TRIM41: variants seen among roughly 807,000 people sequenced by gnomAD.
TRIM41 encodes the protein tripartite motif containing 41.
Under a neutral mutation model 60.6 loss-of-function variants are expected in TRIM41, and 21 were observed. The observed-to-expected ratio is 0.35, with a 90% confidence interval of 0.25 to 0.50. The LOEUF is 0.50. Ranked by LOEUF, TRIM41 falls within the 20% of genes least tolerant of loss-of-function variation. The probability of loss-of-function intolerance (pLI) is 0.98; values close to 1 mark genes in which losing one functional copy is unlikely to be tolerated. For missense variants in TRIM41, 846 were observed against 868.3 expected (o/e 0.97, Z 0.32); for synonymous variants, 407 against 344.9 (o/e 1.18, Z -2.00).
chr5:181,235,386 T>C lies in TRIM41; in HGVS notation c.*611T>C. On this transcript the variant is annotated 3_prime_UTR_variant, in exon 6 of 6. Transcript: ENST00000315073. ...AGAATTTAGCTTCACTTGAGAGAGA[T>C]CTGGAATGGTCGCCATGATTGAAAC... The C allele has an allele frequency of 6.2e-7, 1 of 1,614,210 alleles. No individual in the cohort carries two copies. Among genetic ancestry groups the C allele is most frequent in the South Asian group, 1.1e-5 (1 of 91,086 alleles).
rs1758890910 is a variant in TRIM41 at position 181,233,309 on chromosome 5, C to T, written c.1141-104C>T. On this transcript the variant is annotated intron_variant, in intron 3 of 5. Coordinates refer to ENST00000315073, the MANE Select transcript of TRIM41 (RefSeq NM_033549.5). The surrounding 1 kb of genome is among the most constrained non-coding windows in gnomAD (Gnocchi z 4.1). ...AGGGTGCTGCTTCTCCCTTCCTGCT[C>T]AGGTTCAGTCTCTGACTGGAGATCG... 1 of 1,208,324 alleles carries T rather than the reference C, an allele frequency of 8.3e-7. No individual in the cohort carries two copies. Among genetic ancestry groups the T allele is most frequent in the Non-Finnish European group, 1.2e-6 (1 of 818,588 alleles). The allele number at this position is 1,208,324 out of a possible 1,614,324, so 74.9% of individuals were successfully genotyped here. A position where few individuals can be genotyped will look rare whatever the true frequency, so the allele number is the denominator to read the frequency against.
In TRIM41 at chr5:181,223,661, AGGCCGG is replaced by A; in HGVS notation, c.-338_-333del. 2 of 479,566 alleles carry A rather than the reference AGGCCGG, an allele frequency of 4.2e-6. No individual in the cohort carries two copies. The highest frequency in any genetic ancestry group is 4.5e-5 in the South Asian group (1 of 22,162). 29.7% of individuals were successfully genotyped at this position (479,566 alleles called of 1,614,324 possible). A position where few individuals can be genotyped will look rare whatever the true frequency, so the allele number is the denominator to read the frequency against. On this transcript the variant is annotated 5_prime_UTR_variant, in exon 1 of 6. Coordinates refer to ENST00000315073, the MANE Select transcript of TRIM41 (RefSeq NM_033549.5). The stretch of plus-strand genomic sequence containing the variant: ...GTAGACGCCGGAAGTGTTGGGAAGG[AGGCCGG>A]AAGCTAGGGGCGGGGCCAGGAAGTG...
Position 181,235,048 on chromosome 5 carries a change from C to G in TRIM41, c.*273C>G. 6.2e-7 allele frequency: 1 copy of G among 1,613,550 alleles called. No individual in the cohort carries two copies. Among genetic ancestry groups the G allele is most frequent in the Non-Finnish European group, 8.5e-7 (1 of 1,179,944 alleles). On this transcript the variant is annotated 3_prime_UTR_variant, in exon 6 of 6. Transcript: ENST00000315073. Reference sequence around the variant, plus strand: ...CAGCTGCCTGGTCTTCTCTCCCAGTCTGCCTAGCCCAGCCCTGGGACTGGA... The same window carrying G: ...CAGCTGCCTGGTCTTCTCTCCCAGTGTGCCTAGCCCAGCCCTGGGACTGGA...
In TRIM41 at chr5:181,223,783, C is replaced by G; in HGVS notation, c.-217C>G. The G allele has an allele frequency of 1.6e-6, 1 of 613,688 alleles. No individual in the cohort carries two copies. The highest frequency in any genetic ancestry group is 1.8e-5 in the African/African-American group (1 of 54,124). 38.0% of individuals were successfully genotyped at this position (613,688 alleles called of 1,614,324 possible). On this transcript the variant is annotated 5_prime_UTR_variant, in exon 1 of 6. Transcript: ENST00000315073. ...TGAGGGACTTGGCGGTGGCGCCCAG[C>G]ACTGTCCCCTCCCCTCGTAGAGACA...
intron 2 of TRIM41, chr5:181,232,325 A>G (rs1478901754): frequency 6.6e-6 from 2 of 303,080 alleles, no homozygotes; most frequent in Admixed American, 5.0e-5. Context: ...AGATACAGTG[A>G]TATTTGTGGG....
chr5:181,224,947 G>A (rs950539348), intron 1 of TRIM41, 135 bp downstream of exon 1: 15 of 1,098,652 alleles, frequency 1.4e-5, no homozygotes, highest in Non-Finnish European at 2.0e-5. Flanking sequence ...GCTTATCTAA[G>A]CACTTACTGC....
rs1037538190 is a variant in TRIM41 at position 181,224,329 on chromosome 5, T to G, written c.330T>G (p.Ser110Arg). ...EEEEEGVFWTSGMSRSSWDNM... is the reference protein window; with the variant it reads ...EEEEEGVFWTRGMSRSSWDNM... Reference sequence around the variant, plus strand: ...AAGAAGAGGGTGTGTTCTGGACCAGTGGCATGAGCAGGTCCAGCTGGGACA... The same window carrying G: ...AAGAAGAGGGTGTGTTCTGGACCAGGGGCATGAGCAGGTCCAGCTGGGACA... Residue 110 changes from serine to arginine, a missense_variant, in exon 1 of 6, where the codon AGT becomes AGG. Ser to Arg is a moderately radical substitution (Grantham distance 110, BLOSUM62 -1). Coordinates refer to ENST00000315073, the MANE Select transcript of TRIM41 (RefSeq NM_033549.5). 3.7e-6 allele frequency: 6 copies of G among 1,612,744 alleles called. No homozygotes were observed. The highest frequency in any genetic ancestry group is 5.1e-6 in the Non-Finnish European group (6 of 1,179,794).
chr5:181,224,488 G>T lies in TRIM41; in HGVS notation c.489G>T (p.Glu163Asp), dbSNP rs573417637. 3 of 1,613,512 alleles carry T rather than the reference G, an allele frequency of 1.9e-6. No individual in the cohort carries two copies. Among genetic ancestry groups the T allele is most frequent in the South Asian group, 2.2e-5 (2 of 91,020 alleles). The change falls in exon 1 of 6, where the codon GAG (glutamate) becomes GAT (aspartate). Residue 163 changes from glutamate (E) to aspartate (D), a missense_variant. Transcript: ENST00000315073. ...EEEVLEEVEE[E>D]DLDPVTPLPP... Reference sequence around the variant, plus strand: ...AAGTGCTGGAGGAGGTTGAGGAAGAGGATCTAGACCCCGTCACCCCACTGC... The same window carrying T: ...AAGTGCTGGAGGAGGTTGAGGAAGATGATCTAGACCCCGTCACCCCACTGC...
In TRIM41 at chr5:181,224,232, C is replaced by T. The variant is rs776479184; in HGVS notation, c.233C>T (p.Ala78Val). 4 of 1,612,366 alleles carry T rather than the reference C, an allele frequency of 2.5e-6. No homozygotes were observed. The highest frequency in any genetic ancestry group is 1.7e-5 in the Admixed American group (1 of 59,866). The part of the protein sequence containing the change: ...GEEEEVEAVG[A>V]GAGWDTPMRD... ...GAGGAGGAAGTGGAGGCTGTGGGGG[C>T]TGGCGCGGGGTGGGACACCCCCATG... Residue 78 changes from alanine (A) to valine (V), a missense_variant, in exon 1 of 6, where the codon GCT becomes GTT. Transcript: ENST00000315073.
chr5:181,234,093 G>C lies in TRIM41; in HGVS notation c.1292-81G>C. On this transcript the variant is annotated intron_variant, in intron 5 of 5. Transcript: ENST00000315073. This position sits in a 1 kb window ranked among gnomAD's most constrained non-coding sequence, Gnocchi z 5.6. The stretch of plus-strand genomic sequence containing the variant: ...TGGGGAGCTGGATTCAGGGAGAAAG[G>C]GGGCCCAATCTGTGGAGTTGGCTGC... The C allele has an allele frequency of 1.3e-6, 2 of 1,596,372 alleles. No individual in the cohort carries two copies. Among genetic ancestry groups the C allele is most frequent in the African/African-American group, 2.7e-5 (2 of 74,968 alleles).
At position 181,232,804 on chromosome 5, in the gene TRIM41, G is replaced by C. The variant is rs575345542; in HGVS notation, c.1055G>C (p.Arg352Pro). ...QLGRAGAAASRLAEQAAQLSR... is the reference protein window; with the variant it reads ...QLGRAGAAASPLAEQAAQLSR... ...GGGCGTGCGGGAGCCGCGGCTAGTC[G>C]CCTTGCAGAACAGGCCGCCCAGCTC... Residue 352 changes from arginine to proline, a missense_variant, in exon 3 of 6, where the codon CGC becomes CCC. Transcript: ENST00000315073. 6.3e-7 allele frequency: 1 copy of C among 1,599,976 alleles called. No individual in the cohort carries two copies.
rs939649550 is a variant in TRIM41, at chr5:181,233,238, G to A, written c.1141-175G>A. ...CAGGATGAGGCGAGTTAGGTATGGC[G>A]AGGCATGGGGTGGTTGAAATGGATG... On this transcript the variant is annotated intron_variant, in intron 3 of 5. Coordinates refer to ENST00000315073, the MANE Select transcript of TRIM41 (RefSeq NM_033549.5). This position sits in a 1 kb window ranked among gnomAD's most constrained non-coding sequence, Gnocchi z 4.1. 50 of 779,052 alleles carry A rather than the reference G, an allele frequency of 6.4e-5. No individual in the cohort carries two copies. The highest frequency in any genetic ancestry group is 1.1e-4 in the Admixed American group (6 of 54,716). The allele number at this position is 779,052 out of a possible 1,614,324, so 48.3% of individuals were successfully genotyped here.
Position 181,233,327 on chromosome 5 carries a change from G to C in TRIM41, c.1141-86G>C. 4.3e-6 allele frequency: 6 copies of C among 1,384,386 alleles called. No homozygotes were observed. The highest frequency in any genetic ancestry group is 2.3e-5 in the South Asian group (2 of 86,458). The allele number at this position is 1,384,386 out of a possible 1,614,324, so 85.8% of individuals were successfully genotyped here. ...TCCTGCTCAGGTTCAGTCTCTGACT[G>C]GAGATCGGGGAACGCTGTCCCTGTG... On this transcript the variant is annotated intron_variant, in intron 3 of 5. Coordinates refer to ENST00000315073, the MANE Select transcript of TRIM41 (RefSeq NM_033549.5). This position sits in a 1 kb window ranked among gnomAD's most constrained non-coding sequence, Gnocchi z 4.1.
chr5:181,233,299 CCTT>C lies in TRIM41; in HGVS notation c.1141-112_1141-110del, dbSNP rs1184310767. On this transcript the variant is annotated intron_variant, in intron 3 of 5. Coordinates refer to ENST00000315073, the MANE Select transcript of TRIM41 (RefSeq NM_033549.5). The surrounding 1 kb of genome is among the most constrained non-coding windows in gnomAD (Gnocchi z 4.1). ...GAGGGCCGTGAGGGTGCTGCTTCTC[CCTT>C]CCTGCTCAGGTTCAGTCTCTGACTG... is the stretch of plus-strand genomic sequence containing the variant. 1 of 1,122,332 alleles carries C rather than the reference CCTT, an allele frequency of 8.9e-7. No individual in the cohort carries two copies. The highest frequency in any genetic ancestry group is 1.3e-6 in the Non-Finnish European group (1 of 741,408). 69.5% of individuals were successfully genotyped at this position (1,122,332 alleles called of 1,614,324 possible).
chr5:181,230,823 G>T lies in TRIM41; in HGVS notation c.893G>T (p.Arg298Leu). ...AAGATGAAAGCCAAGGAGGAGAGGC[G>T]AGTGACAGAACTGAAGGTGGGTGAA... ...VQKMKAKEER[R>L]VTELKSQMKS... Residue 298 changes from arginine to leucine, a missense_variant, in exon 2 of 6, where the codon CGA (arginine) becomes CTA (leucine). Coordinates refer to ENST00000315073, the MANE Select transcript of TRIM41 (RefSeq NM_033549.5). The T allele has an allele frequency of 6.2e-7, 1 of 1,612,898 alleles. No individual in the cohort carries two copies. The highest frequency in any genetic ancestry group is 1.1e-5 in the South Asian group (1 of 91,036).
In TRIM41 at chr5:181,235,414, C is replaced by T. The variant is rs369002414; in HGVS notation, c.*639C>T. The T allele has an allele frequency of 5.9e-5, 96 of 1,614,054 alleles. No homozygotes were observed. The highest frequency in any genetic ancestry group is 1.3e-4 in the Admixed American group (8 of 60,030). ...GGAATGGTCGCCATGATTGAAACCACGCACCATTACATCATCATTACATTA... is the reference window on the plus strand; with the variant it reads ...GGAATGGTCGCCATGATTGAAACCATGCACCATTACATCATCATTACATTA... On this transcript the variant is annotated 3_prime_UTR_variant, in exon 6 of 6. Transcript: ENST00000315073.
chr5:181,234,815 G>T lies in TRIM41; in HGVS notation c.*40G>T, dbSNP rs752150964. On this transcript the variant is annotated 3_prime_UTR_variant, in exon 6 of 6. Transcript: ENST00000315073. This position sits in a 1 kb window ranked among gnomAD's most constrained non-coding sequence, Gnocchi z 5.6. Reference sequence around the variant, plus strand: ...GCAGGGGCCCCTCTGTCAGCACTTGGGGGGTGGGTGGTGGAGGGTGGCCCG... The same window carrying T: ...GCAGGGGCCCCTCTGTCAGCACTTGTGGGGTGGGTGGTGGAGGGTGGCCCG... 1.4e-5 allele frequency: 22 copies of T among 1,606,406 alleles called. No homozygotes were observed. Among genetic ancestry groups the T allele is most frequent in the Non-Finnish European group, 1.9e-5 (22 of 1,176,058 alleles).
chr5:181,227,213 T>A (rs1451326247), intron 1 of TRIM41: 1 of 152,146 alleles, frequency 6.6e-6, no homozygotes, highest in Non-Finnish European at 1.5e-5. Context: ...CTCTGCAGTT[T>A]GGGAGGCCAT....
At chr5:181,230,905 A>T in intron 2 of TRIM41, 66 bp downstream of exon 2, 1 of 1,417,338 alleles carries the variant, frequency 7.1e-7, no homozygotes, top group Non-Finnish European at 9.9e-7. Flanking sequence ...AGGGCTTCCC[A>T]CTCTCACAGG....
Sources: gnomAD v4.1 joint callset for allele counts on GRCh38, gnomAD v4.1.1 for gene constraint, Gnocchi (gnomAD v3.1) non-coding constraint, MANE v1.5 for transcripts, NCBI Gene and HGNC (gene_info 2026-07-23, HGNC 2026-07-21) for gene names.